TTC28: variants seen among roughly 807,000 people sequenced by gnomAD.
TTC28 encodes the protein tetratricopeptide repeat protein 28.
TTC28 carries 61 observed loss-of-function variants against 198.0 expected under a neutral mutation model. The observed-to-expected ratio is 0.31, with a 90% CI of 0.25 to 0.38. The LOEUF (loss-of-function observed/expected upper bound fraction) is 0.38, where lower values mean the gene tolerates loss of function less well. Among genes scored for constraint, TTC28 ranks in the 10% least tolerant of loss-of-function variants. The pLI, the probability that TTC28 is intolerant of heterozygous loss-of-function variation, is 1.00. For missense variants in TTC28, 2,678 were observed against 3,164.0 expected (o/e 0.85, Z 3.69); for synonymous variants, 1,171 against 1,297.8 (o/e 0.90, Z 2.10).
intron 5 of TTC28, among the ~76,000 whole-genome samples, chr22:28,165,007 T>C (rs1921744380): frequency 6.6e-6 from 1 of 152,064 alleles, no homozygotes. Flanking sequence ...CTGAAAACCA[T>C]GGCATGAGAA....
chr22:28,391,380 T>C (rs1214716707), intron 2 of TTC28, among the ~76,000 whole-genome samples: 3 of 152,192 alleles, frequency 2.0e-5, no homozygotes, highest in South Asian at 4.1e-4. Context: ...TGAATCTGAA[T>C]GTTGGCCTGC....
chr22:28,218,577 A>G (rs190941205), intron 5 of TTC28, among the ~76,000 whole-genome samples: 20 of 152,312 alleles, frequency 1.3e-4, no homozygotes, highest in Admixed American at 1.2e-3. Context: ...CATAAAAAAA[A>G]AAGTTCTATA....
intron 5 of TTC28, among the ~76,000 whole-genome samples, chr22:28,227,773 G>A (rs1330028287): frequency 6.6e-6 from 1 of 151,502 alleles, no homozygotes; most frequent in African/African-American, 2.4e-5. Context: ...TAGTGGGAAT[G>A]TAAAATGGTA....
At chr22:28,083,948 G>A (rs1226299595) in intron 12 of TTC28, among the ~76,000 whole-genome samples, 4 of 152,256 alleles carry the variant, frequency 2.6e-5, no homozygotes, top group African/African-American at 7.2e-5. Flanking sequence ...CTGCAAGGCG[G>A]AAGCGAGGCT....
intron 5 of TTC28, among the ~76,000 whole-genome samples, chr22:28,165,149 A>G (rs574297940): frequency 1.2e-3 from 178 of 152,314 alleles, no homozygotes; most frequent in African/African-American, 4.2e-3. Flanking sequence ...AAAGAAATGA[A>G]CAAAGCCTCC....
At position 28,020,253 on chromosome 22, in the gene TTC28, G is replaced by T. The variant is rs910327755; in HGVS notation, c.4074-5861C>A. On this transcript the variant is annotated intron_variant, in intron 13 of 22. Transcript: ENST00000397906. ...TCTCACAGTCTGTCCCATGGCTGCC[G>T]GGACCCAGTTGGACTGACAGCCTAG... Among the ~76,000 whole-genome samples the T allele has an allele frequency of 2.0e-5, 3 of 152,230 alleles. No individual in the cohort carries two copies. The East Asian group carries it at 5.8e-4, about 29-fold the overall frequency.
intron 2 of TTC28, among the ~76,000 whole-genome samples, chr22:28,531,672 C>A (rs931580724): frequency 6.6e-6 from 1 of 152,166 alleles, no homozygotes; most frequent in African/African-American, 2.4e-5. Flanking sequence ...AAGCACTCCC[C>A]AGCAAATGTA....
intron 12 of TTC28, among the ~76,000 whole-genome samples, chr22:28,039,221 G>A (rs1373960229): frequency 4.6e-5 from 7 of 152,118 alleles, no homozygotes; most frequent in Admixed American, 2.0e-4. Flanking sequence ...ACATGCACAC[G>A]TATGTTTATT....
intron 9 of TTC28, among the ~76,000 whole-genome samples, chr22:28,100,385 T>C (rs934185871): frequency 2.6e-5 from 4 of 152,352 alleles, no homozygotes; most frequent in African/African-American, 9.6e-5. Context: ...CACTGAGCTA[T>C]AATAAGTACT....
chr22:28,452,112 A>G (rs181473991), intron 2 of TTC28, among the ~76,000 whole-genome samples: 57 of 152,232 alleles, frequency 3.7e-4, no homozygotes, highest in Admixed American at 7.8e-4. Context: ...GAGGCTGGCC[A>G]GGCGCGATGG....
chr22:28,513,292 T>C (rs9625486), intron 2 of TTC28, among the ~76,000 whole-genome samples: 123 of 152,150 alleles, frequency 8.1e-4, no homozygotes, highest in African/African-American at 2.7e-3. Context: ...AGAGCCAACG[T>C]AAGAGTTAAT....
chr22:28,271,651 C>T (rs1213440936), intron 5 of TTC28, among the ~76,000 whole-genome samples: 2 of 152,134 alleles, frequency 1.3e-5, no homozygotes, highest in African/African-American at 4.8e-5. Context: ...GTCGCCCAGG[C>T]TGGAGTGCAA....
chr22:28,148,113 T>C (rs868673493), intron 6 of TTC28, among the ~76,000 whole-genome samples: 2 of 152,222 alleles, frequency 1.3e-5, no homozygotes, highest in Non-Finnish European at 1.5e-5. Flanking sequence ...AAGGTTAATA[T>C]ATTATTTAGT....
chr22:28,576,375 C>T (rs558430694), intron 2 of TTC28, among the ~76,000 whole-genome samples: 73 of 152,062 alleles, frequency 4.8e-4, no homozygotes, highest in African/African-American at 1.7e-3. Context: ...TTGTTGCATT[C>T]GGTTTGCAAG....
intron 5 of TTC28, among the ~76,000 whole-genome samples, chr22:28,209,291 T>G (rs551172915): frequency 1.3e-5 from 2 of 152,206 alleles, no homozygotes; most frequent in African/African-American, 4.8e-5. Flanking sequence ...TGAGGCTTGC[T>G]GGAGAGTGGG....
intron 5 of TTC28, among the ~76,000 whole-genome samples, chr22:28,224,510 G>A (rs961132515): frequency 5.9e-5 from 9 of 152,100 alleles, no homozygotes; most frequent in Non-Finnish European, 1.3e-4. Flanking sequence ...AACCTCTCAA[G>A]AATTTATCAT....
chr22:28,627,274 T>C (rs147073264), intron 2 of TTC28, among the ~76,000 whole-genome samples: 166 of 152,270 alleles, frequency 1.1e-3, no homozygotes, highest in African/African-American at 3.7e-3. Context: ...TCTTCCAAGA[T>C]AGGTATTATT....
intron 2 of TTC28, among the ~76,000 whole-genome samples, chr22:28,438,620 G>A (rs1382464352): frequency 6.6e-6 from 1 of 152,236 alleles, no homozygotes; most frequent in East Asian, 1.9e-4. Context: ...TTTCCTGAAG[G>A]TTTTGACTGC....
rs1318904644 is a variant in TTC28, at chr22:28,223,131, T to C, written c.934-59532A>G. Among the ~76,000 whole-genome samples, 11 of 152,200 alleles carry C rather than the reference T, an allele frequency of 7.2e-5. No individual in the cohort carries two copies. In the South Asian group the frequency reaches 1.7e-3, roughly 23 times the overall value. On this transcript the variant is annotated intron_variant, in intron 5 of 22. Transcript: ENST00000397906. The stretch of plus-strand genomic sequence containing the variant: ...CACTGAACACAACAGTTGTGTTCCA[T>C]GGAGAGGGGCGGCCAGAGCCAGCAT...
Sources: gnomAD v4.1 joint callset for allele counts (sites outside exome capture counted in the v4.1 genomes callset) on GRCh38, gnomAD v4.1.1 for gene constraint, MANE v1.5 for transcripts, NCBI Gene and HGNC (gene_info 2026-07-23, HGNC 2026-07-21) for gene names.